The following EBF1 variants were observed in gnomAD, a reference collection of about 807,000 sequenced individuals.
The protein encoded by EBF1 is EBF transcription factor 1, also known as transcription factor COE1.
Under a neutral mutation model 68.4 loss-of-function variants are expected in EBF1, and 10 were observed. The observed-to-expected ratio is 0.15, with a 90% CI of 0.09 to 0.25. The LOEUF (loss-of-function observed/expected upper bound fraction) is 0.25. EBF1 is among the 10% of genes least tolerant of loss of function. EBF1 has a pLI of 1.00. For missense variants in EBF1, 509 were observed against 794.4 expected, an observed-to-expected ratio of 0.64 and a Z score of 4.32; for synonymous variants, 298 against 299.8, an observed-to-expected ratio of 0.99 and a Z score of 0.06.
chr5:158,899,586 C>CT (rs1802862858), intron 6 of EBF1, among the ~76,000 whole-genome samples: 1 of 152,192 alleles, frequency 6.6e-6, no homozygotes, highest in African/African-American at 2.4e-5. Context: ...GACACCAAAG[C>CT]TGTTAACGGG....
intron 12 of EBF1, 113 bp from the exon 13 acceptor site, chr5:158,713,260 C>T (rs1488158790): frequency 1.1e-6 from 1 of 919,346 alleles, no homozygotes; most frequent in Non-Finnish European, 1.5e-6. Flanking sequence ...GCTGCATTAA[C>T]TTCTGTGACC....
intron 6 of EBF1, among the ~76,000 whole-genome samples, chr5:158,887,766 C>T (rs1800335701): frequency 6.6e-6 from 1 of 152,144 alleles, no homozygotes; most frequent in Admixed American, 6.5e-5. Flanking sequence ...ATTTCTACTC[C>T]ATTTTCTATT....
Position 158,715,612 on chromosome 5 carries a change from G to A in EBF1, c.1126-1430C>T, listed in dbSNP as rs573029348. Reference sequence around the variant, plus strand: ...AAACAGTTTAGTTATTTTTCATGTAGGGAGTAAAGAACATTATATAATCAA... The same window carrying A: ...AAACAGTTTAGTTATTTTTCATGTAAGGAGTAAAGAACATTATATAATCAA... On this transcript the variant is annotated intron_variant, in intron 11 of 15. Coordinates refer to ENST00000313708, the MANE Select transcript of EBF1 (RefSeq NM_024007.5). 1.3e-4 allele frequency among the ~76,000 whole-genome samples: 20 copies of A among 152,224 alleles called. 1 individual carries two copies. The South Asian group carries it at 3.9e-3, about 30-fold the overall frequency.
At chr5:158,984,035 G>A (rs1186035599) in intron 6 of EBF1, among the ~76,000 whole-genome samples, 1 of 151,940 alleles carries the variant, frequency 6.6e-6, no homozygotes, top group African/African-American at 2.4e-5. Flanking sequence ...TAATATTTGA[G>A]TCCTTTAGTT....
intron 11 of EBF1, among the ~76,000 whole-genome samples, chr5:158,724,800 G>A (rs1049848175): frequency 1.3e-5 from 2 of 152,206 alleles, no homozygotes; most frequent in African/African-American, 4.8e-5. Context: ...ATTATTAGAT[G>A]AGCCCTTGCT....
At chr5:159,005,048 G>C (rs532306979) in intron 6 of EBF1, among the ~76,000 whole-genome samples, 1 of 152,278 alleles carries the variant, frequency 6.6e-6, no homozygotes, top group African/African-American at 2.4e-5. Context: ...GACTGCAATA[G>C]AAAAGTTCCC....
At chr5:159,095,906 G>A (rs563749332) in intron 3 of EBF1, among the ~76,000 whole-genome samples, 1 of 152,360 alleles carries the variant, frequency 6.6e-6, no homozygotes, top group South Asian at 2.1e-4. Context: ...CTGGAAGCCA[G>A]ACGCCAAGTT....
intron 6 of EBF1, among the ~76,000 whole-genome samples, chr5:158,864,025 A>G (rs1795422965): frequency 6.6e-6 from 1 of 152,042 alleles, no homozygotes; most frequent in South Asian, 2.1e-4. Flanking sequence ...TGAGGTCAGG[A>G]GTTTGAGACC....
chr5:158,984,524 G>A (rs888539583), intron 6 of EBF1, among the ~76,000 whole-genome samples: 7 of 151,970 alleles, frequency 4.6e-5, no homozygotes, highest in East Asian at 1.9e-4. Context: ...TAAGAGTGCC[G>A]TTTTCAATTT....
intron 8 of EBF1, among the ~76,000 whole-genome samples, chr5:158,809,774 C>T (rs1025141145): frequency 2.0e-5 from 3 of 152,174 alleles, no homozygotes; most frequent in African/African-American, 7.2e-5. Context: ...ACATCTAACA[C>T]AAACGATAGC....
At chr5:158,908,372 A>G (rs923452279) in intron 6 of EBF1, among the ~76,000 whole-genome samples, 1 of 152,198 alleles carries the variant, frequency 6.6e-6, no homozygotes, top group African/African-American at 2.4e-5. Context: ...TTAACTTAAC[A>G]TGATATCTTG....
In EBF1 at chr5:158,823,347, A is replaced by G. The variant is rs774513930; in HGVS notation, c.637-30T>C. The G allele has an allele frequency of 4.4e-6, 7 of 1,583,858 alleles. No homozygotes were observed. In the African/African-American group the frequency reaches 9.5e-5, roughly 22 times the overall value. On this transcript the variant is annotated intron_variant, in intron 7 of 15. Coordinates refer to ENST00000313708, the MANE Select transcript of EBF1 (RefSeq NM_024007.5). ...AGACATAAGAAAGAAATGAATGAAC[A>G]TTTTAATATAAAAGCGTGGTGGGTA...
At chr5:159,059,844 C>T (rs572849516) in intron 6 of EBF1, among the ~76,000 whole-genome samples, 1 of 152,040 alleles carries the variant, frequency 6.6e-6, no homozygotes, top group African/African-American at 2.4e-5. Context: ...AGAGAAGAAC[C>T]CTAAATGAGA....
At chr5:158,730,868 T>G (rs1414359552) in intron 11 of EBF1, among the ~76,000 whole-genome samples, 1 of 152,222 alleles carries the variant, frequency 6.6e-6, no homozygotes, top group Non-Finnish European at 1.5e-5. Context: ...TAAAATGGCA[T>G]AACAGATATA....
chr5:158,774,656 T>C (rs992043442), intron 10 of EBF1, among the ~76,000 whole-genome samples: 1 of 152,152 alleles, frequency 6.6e-6, no homozygotes, highest in Non-Finnish European at 1.5e-5. Flanking sequence ...AGCAGTTGTT[T>C]GGATACAAAG....
chr5:158,785,798 A>T (rs1172641310), intron 9 of EBF1, among the ~76,000 whole-genome samples: 1 of 152,198 alleles, frequency 6.6e-6, no homozygotes, highest in Non-Finnish European at 1.5e-5. Context: ...ATAGTCAGTC[A>T]TGTTACTTAA....
At chr5:158,846,996 G>A (rs923239608) in intron 6 of EBF1, among the ~76,000 whole-genome samples, 1 of 152,180 alleles carries the variant, frequency 6.6e-6, no homozygotes, top group Non-Finnish European at 1.5e-5. Context: ...GAATGGTACC[G>A]AGTTGTGGCA....
intron 6 of EBF1, among the ~76,000 whole-genome samples, chr5:159,003,548 A>G (rs770061731): frequency 1.3e-5 from 2 of 152,170 alleles, no homozygotes; most frequent in Non-Finnish European, 2.9e-5. Context: ...TAACCAGAAG[A>G]CCTTGGATGA....
chr5:158,757,905 G>T (rs1293664454), intron 10 of EBF1, among the ~76,000 whole-genome samples: 2 of 152,062 alleles, frequency 1.3e-5, no homozygotes, highest in Non-Finnish European at 2.9e-5. Context: ...CACTTTTTGA[G>T]CATCTTCTAG....
Sources: gnomAD v4.1 joint callset for allele counts (sites outside exome capture counted in the v4.1 genomes callset) on GRCh38, gnomAD v4.1.1 for gene constraint, MANE v1.5 for transcripts, NCBI Gene and HGNC (gene_info 2026-07-23, HGNC 2026-07-21) for gene names.